SPEF2: variants seen among roughly 807,000 people sequenced by gnomAD.
SPEF2 encodes sperm flagellar and cilia associated 2, also known as sperm flagella and cilia-associated protein 2.
A neutral mutation model predicts 224.6 loss-of-function variants in SPEF2; 187 were observed. The observed-to-expected ratio is 0.83, with a 90% CI of 0.74 to 0.94. SPEF2 has a LOEUF of 0.94. Among genes scored for constraint, SPEF2 ranks in the 40% least tolerant of loss-of-function variants. The probability of loss-of-function intolerance (pLI) is 0.00; values close to 1 mark genes in which losing one functional copy is unlikely to be tolerated. For missense variants in SPEF2, 2,170 were observed against 2,135.6 expected, an observed-to-expected ratio of 1.02 and a Z score of -0.32; for synonymous variants, 715 against 707.3, an observed-to-expected ratio of 1.01 and a Z score of -0.17.
chr5:35,804,649 G>A (rs959387921), intron 34 of SPEF2, among the ~76,000 whole-genome samples: 1 of 152,004 alleles, frequency 6.6e-6, no homozygotes, highest in African/African-American at 2.4e-5. Flanking sequence ...AGAGTCCTCT[G>A]ACACTAATAA....
At chr5:35,784,612 T>C (rs141824653) in intron 30 of SPEF2, among the ~76,000 whole-genome samples, 3,064 of 152,228 alleles carry the variant, frequency 0.02, 76 homozygotes, top group South Asian at 0.053. Context: ...AACTGAACTT[T>C]CCAGGAAGAA....
rs745372482 is a variant in SPEF2 at position 35,763,565 on chromosome 5, A to G, written c.3664A>G (p.Thr1222Ala). The G allele has an allele frequency of 4.3e-6, 7 of 1,612,278 alleles. 1 individual carries two copies. The South Asian group carries it at 7.7e-5, about 18-fold the overall frequency. ...AATATCCATTTCTCTGGAAACAGTT[A>G]CACCCAAACCAAAAACAAAATCAGT... ...PRISISLETV[T>A]PKPKTKSVLK... is the part of the protein sequence containing the mutation. The change falls in exon 26 of 37, where the codon ACA becomes GCA. Residue 1222 changes from threonine (T) to alanine (A), a missense_variant. Coordinates refer to ENST00000356031, the MANE Select transcript of SPEF2 (RefSeq NM_024867.4).
At position 35,783,697 on chromosome 5, in the gene SPEF2, G is replaced by A. The variant is rs62353697; in HGVS notation, c.4447+4351G>A. On this transcript the variant is annotated intron_variant, in intron 30 of 36. Transcript: ENST00000356031. Reference sequence around the variant, plus strand: ...TGGTAGAATTAAATCATAAAGTAATGTGGTTTCCTAGGGAGTACAAGCATT... The same window carrying A: ...TGGTAGAATTAAATCATAAAGTAATATGGTTTCCTAGGGAGTACAAGCATT... 4.7e-4 allele frequency among the ~76,000 whole-genome samples: 72 copies of A among 152,234 alleles called. No homozygotes were observed. The East Asian group carries it at 0.013, about 27-fold the overall frequency.
At chr5:35,639,944 C>T (rs1160369595) in intron 2 of SPEF2, among the ~76,000 whole-genome samples, 2 of 152,000 alleles carry the variant, frequency 1.3e-5, no homozygotes, top group Non-Finnish European at 2.9e-5. Flanking sequence ...CAAGAGTAGG[C>T]TTCCACCAAT....
chr5:35,812,254 T>C (rs559259085), intron 36 of SPEF2, among the ~76,000 whole-genome samples: 6 of 152,240 alleles, frequency 3.9e-5, no homozygotes, highest in African/African-American at 1.4e-4. Flanking sequence ...ATATGTCTTG[T>C]CTTTGGAAAA....
chr5:35,790,530 A>G (rs961755656), intron 30 of SPEF2: 17 of 411,976 alleles, frequency 4.1e-5, no homozygotes, highest in Non-Finnish European at 6.4e-5. Context: ...TTCCAAACAT[A>G]CAGAGTAAAA....
chr5:35,714,626 A>G (rs1021596630), intron 20 of SPEF2, among the ~76,000 whole-genome samples: 9 of 151,400 alleles, frequency 5.9e-5, no homozygotes, highest in African/African-American at 2.2e-4. Context: ...CTGAAATGCA[A>G]GCTATTAAGT....
At chr5:35,675,397 G>A (rs1751814417) in intron 10 of SPEF2, among the ~76,000 whole-genome samples, 1 of 152,170 alleles carries the variant, frequency 6.6e-6, no homozygotes, top group African/African-American at 2.4e-5. Context: ...TTAAGAGTGT[G>A]CCATTTCATA....
intron 19 of SPEF2, among the ~76,000 whole-genome samples, 195 bp from the exon 20 acceptor site, chr5:35,712,617 C>G (rs1264429911): frequency 6.6e-6 from 1 of 152,180 alleles, no homozygotes; most frequent in Non-Finnish European, 1.5e-5. Context: ...GCTATTAGAG[C>G]TATCATTCCA....
chr5:35,656,278 G>A lies in SPEF2; in HGVS notation c.978+1552G>A, dbSNP rs73080232. On this transcript the variant is annotated intron_variant, in intron 7 of 36. Transcript: ENST00000356031. ...CTACCCACGTCTGGTCTGCTTGTTC[G>A]CTGAAAGGAAATAAAGCCTTCATAT... Among the ~76,000 whole-genome samples the A allele has an allele frequency of 9.1e-3, 1,390 of 152,164 alleles. 27 individuals carry two copies. Among genetic ancestry groups the A allele is most frequent in the African/African-American group, 0.032 (1,321 of 41,526 alleles).
In SPEF2 at chr5:35,740,133, A is replaced by T. The variant is rs1476467981; in HGVS notation, c.3196A>T (p.Ser1066Cys). 6.2e-7 allele frequency: 1 copy of T among 1,614,134 alleles called. No homozygotes were observed. Among genetic ancestry groups the T allele is most frequent in the Non-Finnish European group, 8.5e-7 (1 of 1,180,006 alleles). ...VLAYLYEIRTSFQEFLKRPDH... is the reference protein window; with the variant it reads ...VLAYLYEIRTCFQEFLKRPDH... ...TCATTCTATTAATGTCTACAGAACA[A>T]GTTTCCAGGAGTTTCTAAAGCGTCC... Residue 1066 changes from serine to cysteine, a missense_variant, in exon 23 of 37, where the codon AGT becomes TGT. Coordinates refer to ENST00000356031, the MANE Select transcript of SPEF2 (RefSeq NM_024867.4).
At chr5:35,734,139 A>G (rs1347626894) in intron 21 of SPEF2, among the ~76,000 whole-genome samples, 1 of 152,212 alleles carries the variant, frequency 6.6e-6, no homozygotes, top group Non-Finnish European at 1.5e-5. Flanking sequence ...AGGCAATGAC[A>G]TAGGGAAAGA....
At chr5:35,790,082 G>T in intron 30 of SPEF2, 1 of 702,862 alleles carries the variant, frequency 1.4e-6, no homozygotes, top group Non-Finnish European at 2.6e-6. Flanking sequence ...ACTTACACAA[G>T]TATCCAAATA....
At chr5:35,724,521 A>G (rs1385470203) in intron 20 of SPEF2, among the ~76,000 whole-genome samples, 1 of 152,204 alleles carries the variant, frequency 6.6e-6, no homozygotes, top group South Asian at 2.1e-4. Flanking sequence ...TCAAAAGAAC[A>G]TTTATCAATA....
intron 2 of SPEF2, among the ~76,000 whole-genome samples, chr5:35,629,359 G>A (rs366709): frequency 0.14 from 20,912 of 151,114 alleles, 2,600 homozygotes; most frequent in African/African-American, 0.34. Context: ...AGGTTTCACC[G>A]TGTTAGCCAG....
chr5:35,697,559 A>T, intron 14 of SPEF2, 131 bp from the exon 15 acceptor site: 1 of 633,626 alleles, frequency 1.6e-6, no homozygotes. Flanking sequence ...TGCTTCCCTG[A>T]CTCCCGAACT....
At chr5:35,711,973 T>A (rs1214252915) in intron 19 of SPEF2, among the ~76,000 whole-genome samples, 1 of 152,156 alleles carries the variant, frequency 6.6e-6, no homozygotes, top group Non-Finnish European at 1.5e-5. Flanking sequence ...GTAGTGAATT[T>A]TTTTTAAAGG....
chr5:35,742,783 G>GTA (rs1747873213), intron 23 of SPEF2, among the ~76,000 whole-genome samples: 2 of 151,572 alleles, frequency 1.3e-5, no homozygotes, highest in African/African-American at 2.4e-5. Flanking sequence ...TGATCATATA[G>GTA]TATATATATA....
At chr5:35,680,403 G>A (rs1752621105) in intron 10 of SPEF2, among the ~76,000 whole-genome samples, 1 of 152,090 alleles carries the variant, frequency 6.6e-6, no homozygotes, top group East Asian at 1.9e-4. Flanking sequence ...TATCTTGTTT[G>A]GGGGCCTAAG....
Sources: allele counts gnomAD v4.1 joint callset (sites outside exome capture counted in the v4.1 genomes callset), GRCh38; gene constraint gnomAD v4.1.1; transcripts MANE v1.5; gene names NCBI Gene and HGNC (gene_info 2026-07-23, HGNC 2026-07-21).